ANKRD13A: variants seen among roughly 807,000 people sequenced by gnomAD.
ANKRD13A encodes the protein ankyrin repeat domain 13A, also known as ankyrin repeat domain-containing protein 13A.
ANKRD13A carries 48 observed loss-of-function variants against 81.3 expected under a neutral mutation model. That is an observed-to-expected ratio of 0.59 (90% CI 0.47 to 0.75). The LOEUF (loss-of-function observed/expected upper bound fraction) is 0.75, where lower values mean the gene tolerates loss of function less well. Among genes scored for constraint, ANKRD13A ranks in the 30% least tolerant of loss-of-function variants. The pLI is 0.00. For synonymous variants in ANKRD13A, 230 were observed against 270.1 expected (o/e 0.85, Z 1.45); for missense variants, 612 against 734.0 (o/e 0.83, Z 1.92).
chr12:110,022,761 A>C (rs1706839816), intron 6 of ANKRD13A, among the ~76,000 whole-genome samples: 2 of 152,210 alleles, frequency 1.3e-5, no homozygotes, highest in Admixed American at 1.3e-4. Flanking sequence ...GTAGCTTATT[A>C]ATCAGTTGAG....
chr12:110,034,042 T>C, intron 13 of ANKRD13A, 85 bp downstream of exon 13: 2 of 1,314,420 alleles, frequency 1.5e-6, no homozygotes, highest in Non-Finnish European at 2.0e-6. Flanking sequence ...ATCTGAAAGA[T>C]TTATTCTAAA....
In ANKRD13A at chr12:110,024,084, CAGA is replaced by C. The variant is rs1166000807; in HGVS notation, c.776_778del (p.Glu259del). On this transcript the variant is annotated inframe_deletion, in exon 7 of 15. Coordinates refer to ENST00000261739, the MANE Select transcript of ANKRD13A (RefSeq NM_033121.2). ...TTCTGGGGCTGGAGGACAGATAAAG[CAGA>C]AGTTGTTAATGGTTACGAAGCAAAG... 1.2e-6 allele frequency: 2 copies of C among 1,612,020 alleles called. No homozygotes were observed. The highest frequency in any genetic ancestry group is 1.3e-5 in the African/African-American group (1 of 74,774).
intron 6 of ANKRD13A, among the ~76,000 whole-genome samples, chr12:110,020,175 T>C (rs1383534373): frequency 6.6e-6 from 1 of 152,180 alleles, no homozygotes; most frequent in Non-Finnish European, 1.5e-5. Flanking sequence ...TCAAAGTAGC[T>C]TAGCCTGAGA....
intron 3 of ANKRD13A, among the ~76,000 whole-genome samples, chr12:110,014,938 C>T (rs964921892): frequency 5.9e-5 from 9 of 152,142 alleles, no homozygotes; most frequent in East Asian, 3.9e-4. Flanking sequence ...CGCCCACCAC[C>T]GCGCCCGGCT....
intron 1 of ANKRD13A, among the ~76,000 whole-genome samples, chr12:110,006,365 G>A (rs910549358): frequency 4.6e-5 from 7 of 152,130 alleles, no homozygotes; most frequent in African/African-American, 9.7e-5. Context: ...GTGTGAAGTG[G>A]CATCTCATTG....
At position 110,027,697 on chromosome 12, in the gene ANKRD13A, C is replaced by T; in HGVS notation, c.884-8C>T. On this transcript the variant is annotated splice_polypyrimidine_tract_variant and splice_region_variant and intron_variant, in intron 8 of 14. Transcript: ENST00000261739. ...ATATTAGACTTTAAACTCCCTACCC[C>T]TCTGTAGCAGACAGGAACCCGCTGG... The T allele has an allele frequency of 6.2e-7, 1 of 1,614,018 alleles. No homozygotes were observed. The highest frequency in any genetic ancestry group is 8.5e-7 in the Non-Finnish European group (1 of 1,179,886).
intron 7 of ANKRD13A, 141 bp from the exon 8 acceptor site, chr12:110,025,601 C>A (rs1364763182): frequency 1.5e-6 from 1 of 668,836 alleles, no homozygotes; most frequent in African/African-American, 1.8e-5. Context: ...TCTGAAGGAT[C>A]CTAATGATAG....
At chr12:110,016,951 T>TTA (rs761243894) in intron 4 of ANKRD13A, among the ~76,000 whole-genome samples, 8 of 152,048 alleles carry the variant, frequency 5.3e-5, no homozygotes, top group Admixed American at 6.6e-5. Context: ...CTTTGTATTT[T>TTA]TAGTAGAGAG....
intron 7 of ANKRD13A, among the ~76,000 whole-genome samples, chr12:110,024,989 A>G (rs920850676): frequency 8.5e-5 from 13 of 152,232 alleles, no homozygotes; most frequent in African/African-American, 2.9e-4. Flanking sequence ...TCATAAGTCT[A>G]TAGAGAACCT....
chr12:110,028,571 C>T lies in ANKRD13A; in HGVS notation c.1005C>T (p.Tyr335=), dbSNP rs926738902. The T allele has an allele frequency of 3.1e-6, 5 of 1,614,180 alleles. No homozygotes were observed. The highest frequency in any genetic ancestry group is 4.2e-6 in the Non-Finnish European group (5 of 1,180,036). Residue 335 remains tyrosine (Y), a synonymous_variant, in exon 10 of 15, where the codon TAC becomes TAT. Transcript: ENST00000261739. ...CCACAGCCATCACGCCTGATGAGTA[C>T]TTCAATGAAGAGTTTGATCTGAAAG... is the stretch of plus-strand genomic sequence containing the variant. ...NNPTAITPDE[Y]FNEEFDLKDR...
At chr12:110,030,148 G>A (rs1891589588) in intron 11 of ANKRD13A, among the ~76,000 whole-genome samples, 1 of 151,794 alleles carries the variant, frequency 6.6e-6, no homozygotes, top group Admixed American at 6.6e-5. Flanking sequence ...TGTGATCTAG[G>A]AGAAAATACA....
intron 1 of ANKRD13A, 66 bp from the exon 2 acceptor site, chr12:110,011,939 T>C (rs768707616): frequency 6.7e-7 from 1 of 1,481,562 alleles, no homozygotes; most frequent in Non-Finnish European, 9.2e-7. Flanking sequence ...GAAATATCTG[T>C]CAAGCACATT....
rs202049339 is a variant in ANKRD13A at position 110,012,168 on chromosome 12, C to T, written c.229+31C>T. On this transcript the variant is annotated intron_variant, in intron 2 of 14. Transcript: ENST00000261739. ...TATACTTTTACAATAATTTAAAGTC[C>T]GTCTGAGCACCATGGTGAAACCCTG... The T allele has an allele frequency of 2.0e-5, 32 of 1,572,618 alleles. No individual in the cohort carries two copies. In the East Asian group the frequency reaches 5.3e-4, roughly 26 times the overall value.
intron 1 of ANKRD13A, among the ~76,000 whole-genome samples, chr12:110,009,053 T>G (rs1398615771): frequency 6.6e-6 from 1 of 152,222 alleles, no homozygotes; most frequent in Non-Finnish European, 1.5e-5. Context: ...TCTAATTTGT[T>G]GGCATACAGT....
At chr12:110,009,077 CTTTTA>C (rs1177699059) in intron 1 of ANKRD13A, among the ~76,000 whole-genome samples, 2 of 152,060 alleles carry the variant, frequency 1.3e-5, no homozygotes, top group Non-Finnish European at 2.9e-5. Flanking sequence ...TCATAGTCTT[CTTTTA>C]TTTTATTTTA....
Position 110,030,775 on chromosome 12 carries a change from A to C in ANKRD13A, c.1348+17A>C. 1 of 1,520,184 alleles carries C rather than the reference A, an allele frequency of 6.6e-7. No individual in the cohort carries two copies. Among genetic ancestry groups the C allele is most frequent in the Non-Finnish European group, 8.9e-7 (1 of 1,120,370 alleles). The allele number at this position is 1,520,184 out of a possible 1,614,324, so 94.2% of individuals were successfully genotyped here. On this transcript the variant is annotated intron_variant, in intron 12 of 14. Transcript: ENST00000261739. Reference sequence around the variant, plus strand: ...CTGATTCAGGTAAAAAAATAAATAAATACAAAGTTTAGTTTTGTTATTTAA... The same window carrying C: ...CTGATTCAGGTAAAAAAATAAATAACTACAAAGTTTAGTTTTGTTATTTAA...
At position 110,036,729 on chromosome 12, in the gene ANKRD13A, G is replaced by A. The variant is rs1286865208; in HGVS notation, c.1577+401G>A. ...CGCGCCACTGCACTCCAGCCTGGGC[G>A]ATAGAGCGAGACTCCGTCTCAAAAA... On this transcript the variant is annotated intron_variant, in intron 14 of 14. Coordinates refer to ENST00000261739, the MANE Select transcript of ANKRD13A (RefSeq NM_033121.2). This position sits in a 1 kb window ranked among gnomAD's most constrained non-coding sequence, Gnocchi z 4.6. 3.3e-5 allele frequency among the ~76,000 whole-genome samples: 5 copies of A among 151,828 alleles called. No homozygotes were observed. The highest frequency in any genetic ancestry group is 5.9e-5 in the Non-Finnish European group (4 of 67,996).
chr12:110,017,548 A>G (rs1890856977), intron 4 of ANKRD13A, among the ~76,000 whole-genome samples: 1 of 152,220 alleles, frequency 6.6e-6, no homozygotes, highest in East Asian at 1.9e-4. Context: ...ATGACATAAA[A>G]GTACGTAAAA....
intron 7 of ANKRD13A, 42 bp from the exon 8 acceptor site, chr12:110,025,700 T>C: frequency 6.7e-7 from 1 of 1,502,182 alleles, no homozygotes; most frequent in Non-Finnish European, 9.1e-7. Flanking sequence ...TTTGGAGTTT[T>C]GATTCCCTGT....
Sources: gnomAD v4.1 joint callset for allele counts (sites outside exome capture counted in the v4.1 genomes callset) on GRCh38, gnomAD v4.1.1 for gene constraint, Gnocchi (gnomAD v3.1) non-coding constraint, MANE v1.5 for transcripts, NCBI Gene and HGNC (gene_info 2026-07-23, HGNC 2026-07-21) for gene names.